DGKH: variants seen among roughly 807,000 people sequenced by gnomAD.
DGKH encodes diacylglycerol kinase eta.
Under a neutral mutation model 159.3 loss-of-function variants are expected in DGKH, and 90 were observed. That is an observed-to-expected ratio of 0.57 (90% confidence interval 0.48 to 0.67). DGKH has a LOEUF of 0.67. Among genes scored for constraint, DGKH ranks in the 30% least tolerant of loss-of-function variants. The pLI, the probability that DGKH is intolerant of heterozygous loss-of-function variation, is 0.00. For missense variants in DGKH, 1,181 were observed against 1,506.1 expected (o/e 0.78, Z 3.57); for synonymous variants, 536 against 553.8 (o/e 0.97, Z 0.45).
chr13:42,221,763 G>T (rs1295183663), intron 29 of DGKH, among the ~76,000 whole-genome samples: 3 of 152,074 alleles, frequency 2.0e-5, no homozygotes, highest in Non-Finnish European at 1.5e-5. Flanking sequence ...CTAATATATG[G>T]TTAACAACTA....
At position 42,206,109 on chromosome 13, in the gene DGKH, G is replaced by A; in HGVS notation, c.2564G>A (p.Gly855Glu). 6.8e-7 allele frequency: 1 copy of A among 1,460,302 alleles called. No homozygotes were observed. The highest frequency in any genetic ancestry group is 9.1e-7 in the Non-Finnish European group (1 of 1,097,692). 90.5% of individuals were successfully genotyped at this position (1,460,302 alleles called of 1,614,324 possible). The change falls in exon 21 of 30, where the codon GGA becomes GAA. Residue 855 changes from glycine to glutamate, a missense_variant. Coordinates refer to ENST00000337343, the MANE Select transcript of DGKH (RefSeq NM_178009.5). ...GTGTTGAACATTCCCAGCTATGCTG[G>A]AGGCACTAACTTTTGGGGTGGAACT... is the stretch of plus-strand genomic sequence containing the variant. ...IAVLNIPSYA[G>E]GTNFWGGTKE... is the part of the protein sequence containing the mutation.
intron 3 of DGKH, 141 bp downstream of exon 3, chr13:42,129,773 A>T (rs987031524): frequency 3.0e-6 from 2 of 673,392 alleles, no homozygotes; most frequent in African/African-American, 3.6e-5. Context: ...AGCTTTAAAT[A>T]CACTGTATAT....
At chr13:42,157,099 A>G (rs1263149525) in intron 5 of DGKH, among the ~76,000 whole-genome samples, 2 of 152,234 alleles carry the variant, frequency 1.3e-5, no homozygotes, top group Non-Finnish European at 2.9e-5. Flanking sequence ...CATGGGCTTG[A>G]TGCATTAAAA....
At chr13:42,161,324 A>G (rs1956173933) in intron 7 of DGKH, among the ~76,000 whole-genome samples, 1 of 152,218 alleles carries the variant, frequency 6.6e-6, no homozygotes, top group South Asian at 2.1e-4. Context: ...CTCTACTTCT[A>G]GAGCTTCAAC....
chr13:42,183,790 A>G (rs1956836535), intron 13 of DGKH, among the ~76,000 whole-genome samples: 1 of 152,220 alleles, frequency 6.6e-6, no homozygotes, highest in Admixed American at 6.5e-5. Context: ...TATTAGTAAA[A>G]ATGTAAAACA....
chr13:42,116,394 G>A (rs754623893), intron 1 of DGKH, among the ~76,000 whole-genome samples: 2 of 152,142 alleles, frequency 1.3e-5, no homozygotes, highest in Non-Finnish European at 2.9e-5. Context: ...CTCCCATGAC[G>A]CCAAATTCCA....
At position 42,248,418 on chromosome 13, in the gene DGKH, A is replaced by T. The variant is rs181297012; in HGVS notation, n.4055-3991A>T. On this transcript the variant is annotated intron_variant and non_coding_transcript_variant, in intron 29 of 30. Transcript: ENST00000498255. ...TCCAGCCTGGGTAACAGAGCGAGAC[A>T]CCGTCTCAAAAAAATATATATATAA... is the stretch of plus-strand genomic sequence containing the variant. Among the ~76,000 whole-genome samples the T allele has an allele frequency of 2.0e-3, 296 of 147,838 alleles. 1 individual carries two copies. The highest frequency in any genetic ancestry group is 6.8e-3 in the African/African-American group (278 of 40,688).
chr13:42,217,262 C>CT (rs1218456405), intron 26 of DGKH, among the ~76,000 whole-genome samples: 14 of 151,184 alleles, frequency 9.3e-5, no homozygotes, highest in Admixed American at 4.6e-4. Flanking sequence ...AGAGAATCTC[C>CT]TTTTTTTTTG....
chr13:42,202,235 T>G (rs78399739), intron 20 of DGKH, among the ~76,000 whole-genome samples: 17,239 of 152,086 alleles, frequency 0.11, 1,225 homozygotes, highest in Non-Finnish European at 0.16. Context: ...ATAGTAACAA[T>G]AAAGTAAACC....
At chr13:42,142,942 G>C (rs1295500466) in intron 3 of DGKH, among the ~76,000 whole-genome samples, 1 of 152,152 alleles carries the variant, frequency 6.6e-6, no homozygotes, top group Non-Finnish European at 1.5e-5. Flanking sequence ...TGTTGAATAG[G>C]AGTGGTGAGA....
intron 3 of DGKH, among the ~76,000 whole-genome samples, chr13:42,133,120 G>A (rs914830244): frequency 4.0e-5 from 6 of 150,324 alleles, no homozygotes; most frequent in African/African-American, 9.8e-5. Flanking sequence ...GCAGTGAGTC[G>A]AGATTGCGCC....
chr13:42,129,104 TA>T (rs1955233919), intron 2 of DGKH, among the ~76,000 whole-genome samples: 1 of 152,194 alleles, frequency 6.6e-6, no homozygotes, highest in Non-Finnish European at 1.5e-5. Flanking sequence ...ATGAGGAAAA[TA>T]AGGTTCAGAA....
chr13:42,171,752 T>C (rs1157162543), intron 11 of DGKH, among the ~76,000 whole-genome samples: 1 of 152,130 alleles, frequency 6.6e-6, no homozygotes, highest in Non-Finnish European at 1.5e-5. Flanking sequence ...TTCCAGACCC[T>C]GTGACTTTGA....
chr13:42,219,065 A>G lies in DGKH; in HGVS notation c.3214-165A>G, dbSNP rs550379540. 4.6e-5 allele frequency among the ~76,000 whole-genome samples: 7 copies of G among 152,332 alleles called. No homozygotes were observed. In the South Asian group the frequency reaches 1.2e-3, roughly 27 times the overall value. On this transcript the variant is annotated intron_variant, in intron 26 of 29. Coordinates refer to ENST00000337343, the MANE Select transcript of DGKH (RefSeq NM_178009.5). Reference sequence around the variant, plus strand: ...AATCTATTCAGATTTTTTAAAAATGAAATCAATATAAAAGAATTTATTCTT... The same window carrying G: ...AATCTATTCAGATTTTTTAAAAATGGAATCAATATAAAAGAATTTATTCTT...
chr13:42,067,471 C>T (rs1274012479), intron 1 of DGKH, among the ~76,000 whole-genome samples: 1 of 152,104 alleles, frequency 6.6e-6, no homozygotes, highest in Admixed American at 6.5e-5. Flanking sequence ...CCATTTTTCT[C>T]TCCTCACCAA....
chr13:42,046,098 GTGTT>G (rs1390494816), upstream of DGKH, among the ~76,000 whole-genome samples: 2 of 152,156 alleles, frequency 1.3e-5, no homozygotes, highest in East Asian at 1.9e-4. Context: ...CTTTAATAGT[GTGTT>G]TGTCACATGT....
rs933550392 is a variant in DGKH at position 42,230,937 on chromosome 13, A to G, written c.*1749A>G. On this transcript the variant is annotated 3_prime_UTR_variant, in exon 30 of 30. Coordinates refer to ENST00000337343, the MANE Select transcript of DGKH (RefSeq NM_178009.5). ...GTATTTAACTACTAGTAAAAATCAC[A>G]AAATTTTAATGTCTTTAAAATAAAT... The G allele has an allele frequency of 2.0e-5, 3 of 152,216 alleles. No homozygotes were observed. The highest frequency in any genetic ancestry group is 7.2e-5 in the African/African-American group (3 of 41,462). The allele number at this position is 152,216 out of a possible 1,614,324, so 9.4% of individuals were successfully genotyped here.
At chr13:42,040,590 A>T (rs1158083238) in intron 1 of DGKH, among the ~76,000 whole-genome samples, 1 of 150,726 alleles carries the variant, frequency 6.6e-6, no homozygotes, top group Non-Finnish European at 1.5e-5. Flanking sequence ...CGCCCGTGGG[A>T]GGCTGCGGCG....
At chr13:42,226,241 A>G (rs914616369) in intron 29 of DGKH, among the ~76,000 whole-genome samples, 3 of 152,238 alleles carry the variant, frequency 2.0e-5, no homozygotes, top group African/African-American at 4.8e-5. Context: ...CAAAACCTCA[A>G]TGAGATACTA....
Sources: gnomAD v4.1 joint callset for allele counts (sites outside exome capture counted in the v4.1 genomes callset) on GRCh38, gnomAD v4.1.1 for gene constraint, MANE v1.5 for transcripts, NCBI Gene and HGNC (gene_info 2026-07-23, HGNC 2026-07-21) for gene names.